Variants in POU2F1 observed in about 807,000 individuals in gnomAD.
POU2F1 encodes the protein POU class 2 homeobox 1, also known as POU domain, class 2, transcription factor 1.
In POU2F1, 16 loss-of-function variants were observed where a neutral mutation model predicts 84.9. The observed-to-expected ratio is 0.19, with a 90% CI of 0.13 to 0.29. POU2F1 has a LOEUF of 0.29. Ranked by LOEUF, POU2F1 falls within the 10% of genes least tolerant of loss-of-function variation. The probability of loss-of-function intolerance (pLI) is 1.00; values close to 1 mark genes in which losing one functional copy is unlikely to be tolerated. For synonymous variants in POU2F1, 368 were observed against 368.3 expected (o/e 1.00, Z 0.01); for missense variants, 738 against 942.6 (o/e 0.78, Z 2.84).
chr1:167,355,564 A>G (rs1658881252), intron 2 of POU2F1, among the ~76,000 whole-genome samples: 1 of 152,186 alleles, frequency 6.6e-6, no homozygotes, highest in South Asian at 2.1e-4. Flanking sequence ...ATTTATTGAG[A>G]TTTTCATATG....
intron 1 of POU2F1, among the ~76,000 whole-genome samples, chr1:167,253,632 G>T (rs113343137): frequency 1.1e-3 from 165 of 152,094 alleles, no homozygotes; most frequent in Non-Finnish European, 1.8e-3. Flanking sequence ...TCACCATGTT[G>T]CCCAGGCTGG....
Position 167,312,328 on chromosome 1 carries a change from G to A in POU2F1, c.62-20142G>A, listed in dbSNP as rs184471958. Among the ~76,000 whole-genome samples, 62 of 150,448 alleles carry A rather than the reference G, an allele frequency of 4.1e-4. No homozygotes were observed. In the East Asian group the frequency reaches 6.3e-3, roughly 15 times the overall value. ...CAGCTCACCGCAACCTCCACCTCCC[G>A]GTCTCCTGCCTCAGCATCCCAAGTA... On this transcript the variant is annotated intron_variant, in intron 1 of 15. Transcript: ENST00000367866.
intron 2 of POU2F1, among the ~76,000 whole-genome samples, chr1:167,356,163 CTTT>C (rs1187844604): frequency 1.5e-5 from 2 of 129,840 alleles, no homozygotes; most frequent in Non-Finnish European, 3.3e-5. Context: ...TTTTCTTTTT[CTTT>C]TTTTTTTTTT....
At chr1:167,286,590 G>T (rs1236414167) in intron 1 of POU2F1, among the ~76,000 whole-genome samples, 4 of 152,170 alleles carry the variant, frequency 2.6e-5, no homozygotes, top group African/African-American at 4.8e-5. Context: ...ATAAGTTATT[G>T]TTTATGCATT....
Position 167,298,134 on chromosome 1 carries a change from AACAAC to A in POU2F1, c.62-34334_62-34330del, listed in dbSNP as rs761778665. Among the ~76,000 whole-genome samples, 757 of 151,776 alleles carry A rather than the reference AACAAC, an allele frequency of 5.0e-3. 2 individuals are homozygous for A. Among genetic ancestry groups the A allele is most frequent in the South Asian group, 0.015 (70 of 4,808 alleles). Reference sequence around the variant, plus strand: ...AGAGTGAAACTCCATCTCCAAAAACAACAACAACAACAACAACAAAAACAAACAAA... The same window carrying A: ...AGAGTGAAACTCCATCTCCAAAAACAAACAACAACAACAAAAACAAACAAA... On this transcript the variant is annotated intron_variant, in intron 1 of 15. Transcript: ENST00000367866.
chr1:167,292,235 C>T (rs1042681065), intron 1 of POU2F1, among the ~76,000 whole-genome samples: 1 of 151,924 alleles, frequency 6.6e-6, no homozygotes, highest in African/African-American at 2.4e-5. Flanking sequence ...ACACAAATGC[C>T]AGTATACCAG....
At chr1:167,346,497 C>T (rs368771782) in intron 2 of POU2F1, among the ~76,000 whole-genome samples, 18 of 152,280 alleles carry the variant, frequency 1.2e-4, no homozygotes, top group African/African-American at 3.6e-4. Context: ...TCATGGAAGA[C>T]AGTTTTTCCA....
chr1:167,253,608 G>C (rs1241405661), intron 1 of POU2F1, among the ~76,000 whole-genome samples: 1 of 151,936 alleles, frequency 6.6e-6, no homozygotes, highest in Non-Finnish European at 1.5e-5. Context: ...TGTATTTTTG[G>C]TAGAGACAGG....
chr1:167,362,824 G>A (rs1659430759), intron 2 of POU2F1, among the ~76,000 whole-genome samples: 1 of 152,150 alleles, frequency 6.6e-6, no homozygotes, highest in Admixed American at 6.5e-5. Context: ...GATGAAGGCA[G>A]AATATTGCCT....
chr1:167,401,350 C>T, intron 12 of POU2F1, 101 bp from the exon 13 acceptor site: 1 of 683,998 alleles, frequency 1.5e-6, no homozygotes, highest in Non-Finnish European at 2.4e-6. Flanking sequence ...CATAGGATGT[C>T]AGGTGTCTCA....
chr1:167,378,402 A>ATTTT (rs71572454), intron 7 of POU2F1, among the ~76,000 whole-genome samples: 4 of 108,442 alleles, frequency 3.7e-5, no homozygotes, highest in Admixed American at 9.6e-5. Flanking sequence ...TGCCCAGCTA[A>ATTTT]TTTTTTTTTT....
intron 2 of POU2F1, among the ~76,000 whole-genome samples, chr1:167,337,693 A>G (rs1018875349): frequency 2.9e-5 from 4 of 139,694 alleles, no homozygotes; most frequent in Non-Finnish European, 6.2e-5. Context: ...CACCCCCTGC[A>G]AAAAAAAAAA....
chr1:167,320,046 G>A (rs1656199101), intron 1 of POU2F1, among the ~76,000 whole-genome samples: 1 of 151,830 alleles, frequency 6.6e-6, no homozygotes, highest in East Asian at 1.9e-4. Flanking sequence ...GGTCCTGGAA[G>A]AGGTATATGA....
At chr1:167,287,478 A>G (rs1283933973) in intron 1 of POU2F1, among the ~76,000 whole-genome samples, 2 of 152,236 alleles carry the variant, frequency 1.3e-5, no homozygotes, top group African/African-American at 4.8e-5. Flanking sequence ...AGAAAGTTGC[A>G]GCAAAACAAC....
chr1:167,269,265 G>T (rs1652192132), intron 1 of POU2F1, among the ~76,000 whole-genome samples: 1 of 152,248 alleles, frequency 6.6e-6, no homozygotes, highest in Non-Finnish European at 1.5e-5. Flanking sequence ...CCTGCTAATT[G>T]TAAAGTTGTT....
chr1:167,305,633 G>T (rs1195886158), intron 1 of POU2F1, among the ~76,000 whole-genome samples: 1 of 152,142 alleles, frequency 6.6e-6, no homozygotes, highest in African/African-American at 2.4e-5. Context: ...AAATGAGAAG[G>T]TACATTTGAT....
At chr1:167,383,789 T>C (rs559876971) in intron 7 of POU2F1, 68 bp from the exon 8 acceptor site, 3 of 1,381,466 alleles carry the variant, frequency 2.2e-6, no homozygotes, top group Middle Eastern at 1.8e-4. Flanking sequence ...TTTCTGATTC[T>C]TTCTTTCTTT....
intron 2 of POU2F1, among the ~76,000 whole-genome samples, chr1:167,354,289 TTTTA>T (rs980156231): frequency 2.6e-5 from 4 of 152,040 alleles, no homozygotes; most frequent in Non-Finnish European, 4.4e-5. Flanking sequence ...TTTTCTTTAT[TTTTA>T]TTTATTTATT....
intron 1 of POU2F1, among the ~76,000 whole-genome samples, chr1:167,233,838 C>A (rs952424422): frequency 6.6e-6 from 1 of 152,118 alleles, no homozygotes; most frequent in African/African-American, 2.4e-5. Context: ...AAATTGTGGA[C>A]GAGATTCCAT....
Sources: gnomAD v4.1 joint callset for allele counts (sites outside exome capture counted in the v4.1 genomes callset) on GRCh38, gnomAD v4.1.1 for gene constraint, MANE v1.5 for transcripts, NCBI Gene and HGNC (gene_info 2026-07-23, HGNC 2026-07-21) for gene names.